RNF220: variants seen among roughly 807,000 people sequenced by gnomAD.
RNF220 encodes the protein E3 ubiquitin-protein ligase RNF220.
RNF220 carries 7 observed loss-of-function variants against 67.1 expected under a neutral mutation model. The observed-to-expected ratio is 0.10, with a 90% CI of 0.06 to 0.20. RNF220 has a LOEUF of 0.20. Among genes scored for constraint, RNF220 ranks in the 10% least tolerant of loss-of-function variants. The pLI is 1.00. For synonymous variants in RNF220, 270 were observed against 283.2 expected, an observed-to-expected ratio of 0.95 and a Z score of 0.47; for missense variants, 565 against 740.3, an observed-to-expected ratio of 0.76 and a Z score of 2.75.
chr1:44,502,129 C>A (rs1657968277), intron 2 of RNF220, among the ~76,000 whole-genome samples: 1 of 126,072 alleles, frequency 7.9e-6, no homozygotes, highest in Non-Finnish European at 1.6e-5. Flanking sequence ...GCAGTATGAT[C>A]CTTTGTCTCT....
chr1:44,482,541 G>C (rs1655912667), intron 2 of RNF220, among the ~76,000 whole-genome samples: 1 of 152,190 alleles, frequency 6.6e-6, no homozygotes. Flanking sequence ...GCTATGCTCT[G>C]GTTGTCATGA....
intron 2 of RNF220, among the ~76,000 whole-genome samples, chr1:44,494,453 T>G (rs1657149689): frequency 6.6e-6 from 1 of 152,164 alleles, no homozygotes; most frequent in Admixed American, 6.5e-5. Context: ...AACCTAAATG[T>G]TCCTCTCTAG....
At chr1:44,466,825 A>G (rs773889432) in intron 2 of RNF220, among the ~76,000 whole-genome samples, 1 of 152,344 alleles carries the variant, frequency 6.6e-6, no homozygotes, top group African/African-American at 2.4e-5. Flanking sequence ...TGTTCCATTT[A>G]TAGAGCATAG....
intron 8 of RNF220, chr1:44,638,233 G>GGCGGGCCGGGCT (rs1279464772): frequency 1.8e-4 from 27 of 152,324 alleles, no homozygotes; most frequent in Non-Finnish European, 3.8e-4. Flanking sequence ...TCGCCCGCCG[G>GGCGGGCCGGGCT]GCGGGCCGGG....
At position 44,622,308 on chromosome 1, in the gene RNF220, T is replaced by C. The variant is rs1021197767; in HGVS notation, c.759-434T>C. 6.6e-6 allele frequency among the ~76,000 whole-genome samples: 1 copy of C among 152,130 alleles called. No individual in the cohort carries two copies. The highest frequency in any genetic ancestry group is 2.1e-4 in the South Asian group (1 of 4,828). ...GAGATCATTCCTGGCCTAACACAGTTTGCAGCATGTTGGAGGGAGAATTGA... is the reference window on the plus strand; with the variant it reads ...GAGATCATTCCTGGCCTAACACAGTCTGCAGCATGTTGGAGGGAGAATTGA... On this transcript the variant is annotated intron_variant, in intron 3 of 14. Transcript: ENST00000361799. This position sits in a 1 kb window ranked among gnomAD's most constrained non-coding sequence, Gnocchi z 4.3.
chr1:44,632,531 A>G lies in RNF220; in HGVS notation c.949+146A>G, dbSNP rs1644190708. 5 of 766,328 alleles carry G rather than the reference A, an allele frequency of 6.5e-6. No homozygotes were observed. In the Admixed American group the frequency reaches 1.1e-4, roughly 17 times the overall value. 47.5% of individuals were successfully genotyped at this position (766,328 alleles called of 1,614,324 possible). A position where few individuals can be genotyped will look rare whatever the true frequency, so the allele number is the denominator to read the frequency against. On this transcript the variant is annotated intron_variant, in intron 6 of 14. Coordinates refer to ENST00000361799, the MANE Select transcript of RNF220 (RefSeq NM_018150.4). ...AGTCACGGCGCCTGAGTATGTGCAA[A>G]CCAAAGCTGCCGCTCTCAGTTTCCC...
intron 2 of RNF220, among the ~76,000 whole-genome samples, chr1:44,484,866 G>A (rs773895060): frequency 6.6e-6 from 1 of 152,170 alleles, no homozygotes; most frequent in South Asian, 2.1e-4. Context: ...TCTGACAGCC[G>A]GGCACGGTGG....
chr1:44,643,467 G>A (rs1204548830), intron 8 of RNF220: 1 of 152,348 alleles, frequency 6.6e-6, no homozygotes, highest in African/African-American at 2.4e-5. Context: ...TGAGGAGCCT[G>A]GGCTTGGTTG....
rs1025396505 is a variant in RNF220 at position 44,452,836 on chromosome 1, A to T, written c.625+40114A>T. Among the ~76,000 whole-genome samples the T allele has an allele frequency of 5.3e-5, 8 of 151,994 alleles. No individual in the cohort carries two copies. The East Asian group carries it at 1.6e-3, about 30-fold the overall frequency. On this transcript the variant is annotated intron_variant, in intron 2 of 14. Transcript: ENST00000361799. ...AGTTTTTGTTCTCATACTTTTCTTGACTGCTTTTATACATCTTCTCCCAGG... is the reference window on the plus strand; with the variant it reads ...AGTTTTTGTTCTCATACTTTTCTTGTCTGCTTTTATACATCTTCTCCCAGG...
Position 44,651,204 on chromosome 1 carries a change from C to T in RNF220, c.*429C>T, listed in dbSNP as rs1644779031. ...AATGGGACAACTCCTCGCCCTCTAC[C>T]TGTCCCCTCCCCCTTTGGTTGTATG... On this transcript the variant is annotated 3_prime_UTR_variant, in exon 15 of 15. Coordinates refer to ENST00000361799, the MANE Select transcript of RNF220 (RefSeq NM_018150.4). 1 of 191,690 alleles carries T rather than the reference C, an allele frequency of 5.2e-6. No homozygotes were observed. The highest frequency in any genetic ancestry group is 1.1e-5 in the Non-Finnish European group (1 of 88,870). 11.9% of individuals were successfully genotyped at this position (191,690 alleles called of 1,614,324 possible). A position where few individuals can be genotyped will look rare whatever the true frequency, so the allele number is the denominator to read the frequency against.
chr1:44,628,973 A>G (rs1214929068), intron 5 of RNF220, among the ~76,000 whole-genome samples: 3 of 152,212 alleles, frequency 2.0e-5, no homozygotes, highest in Non-Finnish European at 4.4e-5. Flanking sequence ...AACACAACTC[A>G]TTATTTATGA....
intron 6 of RNF220, among the ~76,000 whole-genome samples, chr1:44,634,233 C>T (rs1478553922): frequency 2.0e-5 from 3 of 152,192 alleles, no homozygotes; most frequent in Non-Finnish European, 2.9e-5. Context: ...AACAGGAGGG[C>T]ATTCTAGGTT....
chr1:44,582,693 GT>G (rs1195586994), intron 2 of RNF220, among the ~76,000 whole-genome samples: 2 of 150,268 alleles, frequency 1.3e-5, no homozygotes, highest in African/African-American at 4.9e-5. Context: ...GAAGGCGGAG[GT>G]TGCAGTGAGC....
At chr1:44,455,161 T>A (rs992570270) in intron 2 of RNF220, among the ~76,000 whole-genome samples, 9 of 152,236 alleles carry the variant, frequency 5.9e-5, no homozygotes, top group African/African-American at 1.9e-4. Context: ...GCTTACTATT[T>A]GTTTTGCTCT....
intron 8 of RNF220, among the ~76,000 whole-genome samples, chr1:44,639,789 T>G (rs1644435688): frequency 6.6e-6 from 1 of 152,170 alleles, no homozygotes; most frequent in Admixed American, 6.5e-5. Context: ...TCCTTTTTAT[T>G]TATTTATTTT....
chr1:44,635,853 C>T, intron 7 of RNF220, 177 bp from the exon 8 acceptor site: 1 of 1,335,484 alleles, frequency 7.5e-7, no homozygotes, highest in East Asian at 2.3e-5. Context: ...CAGCGGAAAA[C>T]TATTGGGAAG....
chr1:44,626,927 C>T (rs1170221888), intron 5 of RNF220: 1 of 147,790 alleles, frequency 6.8e-6, no homozygotes, highest in African/African-American at 2.5e-5. Context: ...GTCCCAGCTA[C>T]TTGGGAGGCT....
At chr1:44,453,714 G>T (rs1652904881) in intron 2 of RNF220, among the ~76,000 whole-genome samples, 1 of 151,770 alleles carries the variant, frequency 6.6e-6, no homozygotes, top group Admixed American at 6.6e-5. Flanking sequence ...TTGCATTTAT[G>T]TTCTTAAGTA....
At chr1:44,563,461 A>T (rs1485068664) in intron 2 of RNF220, among the ~76,000 whole-genome samples, 6 of 152,076 alleles carry the variant, frequency 3.9e-5, no homozygotes, top group Admixed American at 3.9e-4. Context: ...ACCCAGGGAG[A>T]TGGGGCCAGA....
Sources: allele counts gnomAD v4.1 joint callset (sites outside exome capture counted in the v4.1 genomes callset), GRCh38; gene constraint gnomAD v4.1.1; non-coding constraint Gnocchi (gnomAD v3.1); transcripts MANE v1.5; gene names NCBI Gene and HGNC (gene_info 2026-07-23, HGNC 2026-07-21).